CCDC102B: variants seen among roughly 807,000 people sequenced by gnomAD.
CCDC102B encodes the protein coiled-coil domain-containing protein 102B.
In CCDC102B, 75 loss-of-function variants were observed where a neutral mutation model predicts 57.4. The observed-to-expected ratio is 1.31, with a 90% CI of 1.08 to 1.58. CCDC102B has a LOEUF of 1.58. Ranked by LOEUF, CCDC102B falls within the 40% of genes most tolerant of loss-of-function variation. The pLI, the probability that CCDC102B is intolerant of heterozygous loss-of-function variation, is 0.00. For synonymous variants in CCDC102B, 206 were observed against 201.9 expected, an observed-to-expected ratio of 1.02 and a Z score of -0.17; for missense variants, 636 against 582.6, an observed-to-expected ratio of 1.09 and a Z score of -0.94.
intron 1 of CCDC102B, among the ~76,000 whole-genome samples, chr18:68,833,677 G>T (rs190525011): frequency 6.6e-5 from 10 of 152,156 alleles, no homozygotes; most frequent in African/African-American, 2.2e-4. Context: ...CTAAAAAGTG[G>T]CAGAGTAAGA....
In CCDC102B at chr18:68,834,389, A is replaced by G. The variant is rs1029964460; in HGVS notation, c.-15-2360A>G. On this transcript the variant is annotated intron_variant, in intron 1 of 7. Transcript: ENST00000360242. Reference sequence around the variant, plus strand: ...TTTCAACCAAAAGAAATATCATTAAATAGTGAATAGTAAATATATATATGT... The same window carrying G: ...TTTCAACCAAAAGAAATATCATTAAGTAGTGAATAGTAAATATATATATGT... Among the ~76,000 whole-genome samples the G allele has an allele frequency of 4.7e-5, 7 of 149,406 alleles. No individual in the cohort carries two copies. The East Asian group carries it at 1.2e-3, about 25-fold the overall frequency.
intron 4 of CCDC102B, among the ~76,000 whole-genome samples, chr18:68,867,903 C>T (rs1277802085): frequency 6.6e-6 from 1 of 151,980 alleles, no homozygotes; most frequent in East Asian, 1.9e-4. Context: ...CACTGCACTC[C>T]ATCCTGGGGC....
At chr18:68,996,621 T>C (rs2051035809) in intron 6 of CCDC102B, among the ~76,000 whole-genome samples, 1 of 152,214 alleles carries the variant, frequency 6.6e-6, no homozygotes, top group Non-Finnish European at 1.5e-5. Context: ...CCTTTGTTTT[T>C]TGCCCATTTC....
chr18:68,862,648 G>T lies in CCDC102B; in HGVS notation c.937-12021G>T, dbSNP rs139850595. Among the ~76,000 whole-genome samples the T allele has an allele frequency of 7.2e-5, 11 of 152,154 alleles. No individual in the cohort carries two copies. In the East Asian group the frequency reaches 1.9e-3, roughly 27 times the overall value. On this transcript the variant is annotated intron_variant, in intron 4 of 7. Transcript: ENST00000360242. ...GTAATAATGTCTTCAAGAGATGACAGGTTCTGTTGGTGAATTACTAACAGG... is the reference window on the plus strand; with the variant it reads ...GTAATAATGTCTTCAAGAGATGACATGTTCTGTTGGTGAATTACTAACAGG...
intron 2 of CCDC102B, among the ~76,000 whole-genome samples, chr18:68,719,606 C>A (rs185470497): frequency 2.3e-3 from 343 of 152,300 alleles, no homozygotes; most frequent in Non-Finnish European, 4.1e-3. Context: ...CACCTCCCCC[C>A]ACCCCCAACA....
intron 2 of CCDC102B, among the ~76,000 whole-genome samples, chr18:68,764,420 T>G (rs768801557): frequency 6.6e-6 from 1 of 152,192 alleles, no homozygotes; most frequent in Non-Finnish European, 1.5e-5. Context: ...GAGAAAGTAA[T>G]TCAGTTTTTC....
chr18:68,932,446 C>T (rs1422838817), intron 6 of CCDC102B, among the ~76,000 whole-genome samples: 1 of 151,656 alleles, frequency 6.6e-6, no homozygotes, highest in East Asian at 1.9e-4. Flanking sequence ...TTTTCTAGAC[C>T]ACATCATAGT....
intron 1 of CCDC102B, among the ~76,000 whole-genome samples, chr18:68,815,592 A>C (rs976758574): frequency 6.6e-6 from 1 of 152,076 alleles, no homozygotes; most frequent in South Asian, 2.1e-4. Context: ...ATGGGAACAC[A>C]GATGAAAATG....
rs749200143 is a variant in CCDC102B at position 68,837,416 on chromosome 18, T to C, written c.606+47T>C. On this transcript the variant is annotated intron_variant, in intron 2 of 7. Transcript: ENST00000360242. Reference sequence around the variant, plus strand: ...GATGTGAATTTCTGAAGGTCATATATAGTGATGGGGAGGAAGAAGGAAGTG... The same window carrying C: ...GATGTGAATTTCTGAAGGTCATATACAGTGATGGGGAGGAAGAAGGAAGTG... 2.3e-5 allele frequency: 35 copies of C among 1,544,866 alleles called. 1 individual carries two copies. The highest frequency in any genetic ancestry group is 1.3e-4 in the Admixed American group (7 of 53,416).
chr18:68,751,613 G>A (rs2033854131), intron 2 of CCDC102B, among the ~76,000 whole-genome samples: 1 of 152,172 alleles, frequency 6.6e-6, no homozygotes, highest in African/African-American at 2.4e-5. Flanking sequence ...TACATCAGGT[G>A]ACCCAAATTT....
chr18:69,023,193 A>G (rs921750094), intron 7 of CCDC102B, among the ~76,000 whole-genome samples: 1 of 152,096 alleles, frequency 6.6e-6, no homozygotes, highest in African/African-American at 2.4e-5. Flanking sequence ...CTTCCTAGTT[A>G]TGTGATCTTG....
At position 69,000,091 on chromosome 18, in the gene CCDC102B, C is replaced by T. The variant is rs986681873; in HGVS notation, c.1264-10843C>T. Among the ~76,000 whole-genome samples, 9 of 152,210 alleles carry T rather than the reference C, an allele frequency of 5.9e-5. No individual in the cohort carries two copies. The East Asian group carries it at 1.7e-3, about 29-fold the overall frequency. ...ATTACCTATGTTTCTTTCTAAGTCC[C>T]TCCAAAGGCTATGTGCAGGCAATGA... On this transcript the variant is annotated intron_variant, in intron 6 of 7. Transcript: ENST00000360242.
intron 6 of CCDC102B, among the ~76,000 whole-genome samples, chr18:68,911,751 C>CAAAAAA (rs74175338): frequency 0.028 from 500 of 17,976 alleles, 62 homozygotes; most frequent in African/African-American, 0.042. Flanking sequence ...GACTCCGTCT[C>CAAAAAA]AAAAAAAAAA....
downstream of CCDC102B, among the ~76,000 whole-genome samples, chr18:69,057,279 A>C (rs2052833281): frequency 6.6e-6 from 1 of 152,074 alleles, no homozygotes; most frequent in South Asian, 2.1e-4. Flanking sequence ...TTAGTAGCTT[A>C]AAACATATTT....
At chr18:68,992,036 C>T (rs989175413) in intron 6 of CCDC102B, among the ~76,000 whole-genome samples, 2 of 151,898 alleles carry the variant, frequency 1.3e-5, no homozygotes, top group African/African-American at 2.4e-5. Context: ...TACACTTAAA[C>T]GTTTATCTAG....
At chr18:68,890,380 C>T (rs139238293) in intron 5 of CCDC102B, among the ~76,000 whole-genome samples, 337 of 152,220 alleles carry the variant, frequency 2.2e-3, no homozygotes, top group Non-Finnish European at 3.1e-3. Context: ...AGACCAAAGG[C>T]ACATGCCACC....
At chr18:68,820,487 A>G (rs866329986) in intron 1 of CCDC102B, among the ~76,000 whole-genome samples, 51 of 152,158 alleles carry the variant, frequency 3.4e-4, no homozygotes, top group African/African-American at 1.2e-3. Context: ...AGCTTGAGAG[A>G]TTTGCCATTA....
At chr18:68,942,024 A>G (rs1723049128) in intron 6 of CCDC102B, among the ~76,000 whole-genome samples, 1 of 152,064 alleles carries the variant, frequency 6.6e-6, no homozygotes, top group South Asian at 2.1e-4. Context: ...CGTACTGAAA[A>G]AGCTCATTTA....
At chr18:68,869,154 G>A (rs977819968) in intron 4 of CCDC102B, among the ~76,000 whole-genome samples, 14 of 152,158 alleles carry the variant, frequency 9.2e-5, no homozygotes, top group African/African-American at 2.9e-4. Flanking sequence ...TGATTTGGAA[G>A]TGTTTGGTAG....
Sources: allele counts gnomAD v4.1 joint callset (sites outside exome capture counted in the v4.1 genomes callset), GRCh38; gene constraint gnomAD v4.1.1; transcripts MANE v1.5; gene names NCBI Gene and HGNC (gene_info 2026-07-23, HGNC 2026-07-21).